CEP97: variants seen among roughly 807,000 people sequenced by gnomAD.
CEP97 encodes centrosomal protein 97, also known as centrosomal protein of 97 kDa.
In CEP97, 43 loss-of-function variants were observed where a neutral mutation model predicts 73.1. That is an observed-to-expected ratio of 0.59 (90% confidence interval 0.46 to 0.76). The LOEUF (loss-of-function observed/expected upper bound fraction) is 0.76. CEP97 is among the 30% of genes least tolerant of loss of function. The pLI, the probability that CEP97 is intolerant of heterozygous loss-of-function variation, is 0.00. For synonymous variants in CEP97, 337 were observed against 370.0 expected, an observed-to-expected ratio of 0.91 and a Z score of 1.02; for missense variants, 939 against 1,014.0, an observed-to-expected ratio of 0.93 and a Z score of 1.00.
At chr3:101,764,752 C>A in intron 10 of CEP97, 95 bp from the exon 11 acceptor site, 2 of 1,121,654 alleles carry the variant, frequency 1.8e-6, no homozygotes, top group Non-Finnish European at 2.5e-6. Context: ...TGCTGCACTC[C>A]AGCCTGGGTG....
intron 10 of CEP97, 82 bp downstream of exon 10, chr3:101,762,642 G>GC: frequency 1.9e-6 from 2 of 1,064,558 alleles, no homozygotes; most frequent in South Asian, 3.2e-5. Flanking sequence ...GAGTACTCAG[G>GC]TGTATTAAGC....
rs145177008 is a variant in CEP97 at position 101,765,519 on chromosome 3, T to C, written c.2566T>C (p.Phe856Leu). The C allele has an allele frequency of 1.7e-4, 268 of 1,613,142 alleles. 1 individual carries two copies. The African/African-American group carries it at 3.2e-3, about 19-fold the overall frequency. ...GCAGCAGCCAGAATGTGATTCTACA[T>C]TTCAGCTATTGCATGTTGGTGTTAC... ...QGQQPECDSTFQLLHVGVTV is the reference protein window; with the variant it reads ...QGQQPECDSTLQLLHVGVTV The change falls in exon 11 of 11, where the codon TTT becomes CTT. Residue 856 changes from phenylalanine (F) to leucine (L), a missense_variant. Phe to Leu is a conservative substitution (Grantham distance 22, BLOSUM62 0). Coordinates refer to ENST00000341893, the MANE Select transcript of CEP97 (RefSeq NM_024548.4).
Position 101,757,071 on chromosome 3 carries a change from A to T in CEP97, c.902A>T (p.Gln301Leu). The T allele has an allele frequency of 6.2e-7, 1 of 1,607,190 alleles. No individual in the cohort carries two copies. Among genetic ancestry groups the T allele is most frequent in the East Asian group, 2.2e-5 (1 of 44,670 alleles). ...EKILSKQRFH[Q>L]RQLMNQSQNE... Reference sequence around the variant, plus strand: ...GTATTATTGATTTTTAGGTTTCACCAGAGGCAGTTGATGAACCAAAGCCAA... The same window carrying T: ...GTATTATTGATTTTTAGGTTTCACCTGAGGCAGTTGATGAACCAAAGCCAA... Residue 301 changes from glutamine to leucine, a missense_variant, in exon 8 of 11, where the codon CAG (glutamine) becomes CTG (leucine). Coordinates refer to ENST00000341893, the MANE Select transcript of CEP97 (RefSeq NM_024548.4).
At chr3:101,757,224 T>C in intron 8 of CEP97, 28 bp downstream of exon 8, 1 of 1,577,204 alleles carries the variant, frequency 6.3e-7, no homozygotes. Context: ...CTCTGATCCC[T>C]TTTCTCCAAG....
In CEP97 at chr3:101,769,075, C is replaced by G. The variant is rs776575120; in HGVS notation, c.*3524C>G. ...TTTTTTGTATACAAACACCATAATA[C>G]TGTATTTTCCTGTTATCTACTTAAG... On this transcript the variant is annotated 3_prime_UTR_variant, in exon 11 of 11. Transcript: ENST00000341893. The G allele has an allele frequency of 6.6e-6, 1 of 152,118 alleles. No individual in the cohort carries two copies. Among genetic ancestry groups the G allele is most frequent in the East Asian group, 1.9e-4 (1 of 5,204 alleles). 9.4% of individuals were successfully genotyped at this position (152,118 alleles called of 1,614,324 possible). A position where few individuals can be genotyped will look rare whatever the true frequency, so the allele number is the denominator to read the frequency against.
chr3:101,725,991 AT>A (rs1248131173), intron 1 of CEP97, among the ~76,000 whole-genome samples: 1 of 152,144 alleles, frequency 6.6e-6, no homozygotes, highest in East Asian at 1.9e-4. Context: ...AATTTGCCTA[AT>A]ATACCACAAT....
At chr3:101,727,908 T>C (rs967114617) in intron 3 of CEP97, among the ~76,000 whole-genome samples, 12 of 152,216 alleles carry the variant, frequency 7.9e-5, no homozygotes, top group Non-Finnish European at 1.5e-4. Context: ...AGTAACTGTG[T>C]AATTTTGGGT....
chr3:101,754,589 T>C (rs904008314), intron 6 of CEP97, among the ~76,000 whole-genome samples: 4 of 152,212 alleles, frequency 2.6e-5, no homozygotes, highest in Admixed American at 2.6e-4. Context: ...CTCCTGGGCT[T>C]GCACTCAGAT....
chr3:101,735,352 CCT>C lies in CEP97; in HGVS notation c.728+2707_728+2708del, dbSNP rs935445223. Among the ~76,000 whole-genome samples the C allele has an allele frequency of 3.3e-5, 5 of 152,234 alleles. 1 individual carries two copies. The highest frequency in any genetic ancestry group is 2.0e-4 in the Admixed American group (3 of 15,286). ...AAGAGTGGGCTCCCACTTGGGGTAG[CCT>C]CTCTCTCTGGGGTTGTCCTGCACTA... On this transcript the variant is annotated intron_variant, in intron 6 of 10. Transcript: ENST00000341893.
chr3:101,738,813 A>G (rs1324233596), intron 6 of CEP97, among the ~76,000 whole-genome samples: 3 of 152,208 alleles, frequency 2.0e-5, no homozygotes, highest in Non-Finnish European at 4.4e-5. Context: ...AGCTAGCAGA[A>G]AACAAGAAAT....
chr3:101,763,138 G>A (rs545023253), intron 10 of CEP97: 143 of 1,209,070 alleles, frequency 1.2e-4, no homozygotes, highest in Admixed American at 7.1e-4. Flanking sequence ...TGCCCAGGCC[G>A]GTCTCAAACT....
chr3:101,761,513 C>T (rs1410000048), intron 9 of CEP97, among the ~76,000 whole-genome samples: 1 of 152,052 alleles, frequency 6.6e-6, no homozygotes, highest in Non-Finnish European at 1.5e-5. Flanking sequence ...CAGTACTTGA[C>T]AACGAATTTT....
chr3:101,736,430 A>C (rs528559859), intron 6 of CEP97, among the ~76,000 whole-genome samples: 71 of 152,336 alleles, frequency 4.7e-4, no homozygotes, highest in African/African-American at 1.6e-3. Flanking sequence ...AACGGTTGAC[A>C]GACACCTCAT....
chr3:101,748,195 T>A (rs543446086), intron 6 of CEP97, among the ~76,000 whole-genome samples: 7 of 151,170 alleles, frequency 4.6e-5, no homozygotes, highest in African/African-American at 1.7e-4. Context: ...ATTTTTTTTT[T>A]AATTGAAAAT....
chr3:101,730,921 G>A (rs1938088502), intron 4 of CEP97, among the ~76,000 whole-genome samples: 1 of 150,992 alleles, frequency 6.6e-6, no homozygotes, highest in South Asian at 2.1e-4. Context: ...CCTAATAGAT[G>A]CTAAGAGAAT....
chr3:101,730,741 G>A (rs1938083901), intron 4 of CEP97, among the ~76,000 whole-genome samples: 1 of 152,096 alleles, frequency 6.6e-6, no homozygotes, highest in African/African-American at 2.4e-5. Context: ...TCACAGTCTT[G>A]AAAAACATGT....
chr3:101,765,043 A>G lies in CEP97; in HGVS notation c.2090A>G (p.Glu697Gly). ...GCTCCTCAAGAGAAATCATTACCAG[A>G]ATTTCCAGACTCTGGTTTTCATTCC... The part of the protein sequence containing the change: ...DVAPQEKSLP[E>G]FPDSGFHSSL... Residue 697 changes from glutamate to glycine, a missense_variant, in exon 11 of 11, where the codon GAA becomes GGA. Transcript: ENST00000341893. 6 of 1,614,136 alleles carry G rather than the reference A, an allele frequency of 3.7e-6. No individual in the cohort carries two copies. Among genetic ancestry groups the G allele is most frequent in the Non-Finnish European group, 5.1e-6 (6 of 1,180,018 alleles).
intron 9 of CEP97, chr3:101,759,079 C>T (rs1354368393): frequency 6.6e-6 from 1 of 152,322 alleles, no homozygotes; most frequent in Non-Finnish European, 1.5e-5. Context: ...ACAGAGAGGA[C>T]ACAGGCATTA....
At chr3:101,737,695 A>G (rs1013304463) in intron 6 of CEP97, among the ~76,000 whole-genome samples, 1 of 152,228 alleles carries the variant, frequency 6.6e-6, no homozygotes, top group Non-Finnish European at 1.5e-5. Context: ...AGGAAGCACT[A>G]AACATGGAAA....
Sources: gnomAD v4.1 joint callset for allele counts (sites outside exome capture counted in the v4.1 genomes callset) on GRCh38, gnomAD v4.1.1 for gene constraint, MANE v1.5 for transcripts, NCBI Gene and HGNC (gene_info 2026-07-23, HGNC 2026-07-21) for gene names.